Variants in FAM78B observed in about 807,000 individuals in gnomAD.
FAM78B encodes protein FAM78B.
FAM78B carries 10 observed loss-of-function variants against 20.0 expected under a neutral mutation model. The ratio of observed to expected loss-of-function variants is 0.50; its 90% CI spans 0.31 to 0.85. FAM78B has a LOEUF of 0.85. Among genes scored for constraint, FAM78B ranks in the 40% least tolerant of loss-of-function variants. The pLI, the probability that FAM78B is intolerant of heterozygous loss-of-function variation, is 0.05. For missense variants in FAM78B, 283 were observed against 345.0 expected, an observed-to-expected ratio of 0.82 and a Z score of 1.42; for synonymous variants, 135 against 132.8, an observed-to-expected ratio of 1.02 and a Z score of -0.12.
At chr1:166,142,052 A>G (rs1433926530) in intron 1 of FAM78B, among the ~76,000 whole-genome samples, 1 of 152,156 alleles carries the variant, frequency 6.6e-6, no homozygotes, top group Non-Finnish European at 1.5e-5. Context: ...ACAGCTCCTC[A>G]ATGATCAGAC....
At chr1:166,064,039 G>A (rs935401936) in intron 2 of FAM78B, among the ~76,000 whole-genome samples, 2 of 152,148 alleles carry the variant, frequency 1.3e-5, no homozygotes, top group Non-Finnish European at 2.9e-5. Flanking sequence ...GCTGGGAGAG[G>A]CACAGTTTGG....
chr1:166,165,674 C>G (rs1656342470), intron 1 of FAM78B, among the ~76,000 whole-genome samples: 1 of 152,104 alleles, frequency 6.6e-6, no homozygotes. Context: ...ACTCGCCAGG[C>G]ACTCGCCAGC....
Position 166,070,716 on chromosome 1 carries a change from A to G in FAM78B, c.311T>C (p.Ile104Thr). Reference protein sequence around the residue: ...PDLREGRVKAISDSDGVSYPW... With the variant: ...PDLREGRVKATSDSDGVSYPW... ...GTAGCTCACCCCATCTGAGTCACTG[A>G]TGGCTTTTACTCTCCCTTCCCTCAA... The change falls in exon 2 of 2, where the codon ATC (isoleucine) becomes ACC (threonine). Residue 104 changes from isoleucine to threonine, a missense_variant. Coordinates refer to ENST00000354422, the MANE Select transcript of FAM78B (RefSeq NM_001017961.5). 1 of 1,604,308 alleles carries G rather than the reference A, an allele frequency of 6.2e-7. No homozygotes were observed. The highest frequency in any genetic ancestry group is 8.5e-7 in the Non-Finnish European group (1 of 1,174,904).
intron 1 of FAM78B, among the ~76,000 whole-genome samples, chr1:166,076,948 C>T (rs12407136): frequency 6.6e-6 from 1 of 151,956 alleles, no homozygotes; most frequent in African/African-American, 2.4e-5. Flanking sequence ...TTGAGGATGA[C>T]AGACCTGTCA....
At chr1:166,134,161 C>T (rs906853241) in intron 1 of FAM78B, among the ~76,000 whole-genome samples, 12 of 152,206 alleles carry the variant, frequency 7.9e-5, no homozygotes, top group African/African-American at 2.9e-4. Flanking sequence ...AAATGCTCTA[C>T]TTTATCCTTT....
chr1:166,114,135 C>A (rs1156794503), intron 1 of FAM78B, among the ~76,000 whole-genome samples: 3 of 152,226 alleles, frequency 2.0e-5, no homozygotes, highest in African/African-American at 7.2e-5. Flanking sequence ...CTATGCTGGG[C>A]ACACCTTTGG....
chr1:166,159,296 G>C (rs897377819), intron 1 of FAM78B, among the ~76,000 whole-genome samples: 13 of 152,092 alleles, frequency 8.5e-5, no homozygotes, highest in African/African-American at 2.4e-4. Context: ...GTCTCAGCTC[G>C]GCCACTTACT....
intron 1 of FAM78B, among the ~76,000 whole-genome samples, chr1:166,133,493 T>C (rs1478356003): frequency 6.6e-6 from 1 of 151,978 alleles, no homozygotes; most frequent in African/African-American, 2.4e-5. Context: ...CTTTGCTTCA[T>C]GTGGGGATCT....
At chr1:166,090,162 C>T (rs901024353) in intron 1 of FAM78B, among the ~76,000 whole-genome samples, 1 of 152,192 alleles carries the variant, frequency 6.6e-6, no homozygotes, top group Non-Finnish European at 1.5e-5. Flanking sequence ...ATCTTCTTCC[C>T]AGTGTCTACT....
At chr1:166,125,118 T>C (rs1474235010) in intron 1 of FAM78B, among the ~76,000 whole-genome samples, 3 of 152,234 alleles carry the variant, frequency 2.0e-5, no homozygotes, top group South Asian at 2.1e-4. Context: ...AAGGCCTATG[T>C]TGGGGTATGC....
chr1:166,067,011 T>G (rs1651820649), downstream of FAM78B, among the ~76,000 whole-genome samples: 1 of 152,198 alleles, frequency 6.6e-6, no homozygotes, highest in South Asian at 2.1e-4. Flanking sequence ...AAAGGGAATC[T>G]GGAACATTCA....
At chr1:166,129,348 G>A (rs1557910694) in intron 1 of FAM78B, among the ~76,000 whole-genome samples, 1 of 152,192 alleles carries the variant, frequency 6.6e-6, no homozygotes. Context: ...AGGAACCAAA[G>A]CCCCAGGCTG....
intron 1 of FAM78B, among the ~76,000 whole-genome samples, chr1:166,105,474 T>C (rs1184371691): frequency 6.6e-6 from 1 of 151,944 alleles, no homozygotes; most frequent in Admixed American, 6.6e-5. Flanking sequence ...AGGGCTAATA[T>C]CCAGAATCTA....
intron 1 of FAM78B, chr1:166,082,707 G>A (rs952168360): frequency 6.6e-6 from 1 of 152,390 alleles, no homozygotes; most frequent in African/African-American, 2.4e-5. Flanking sequence ...CGCAATGAAT[G>A]GGGCAAGTGT....
intron 1 of FAM78B, among the ~76,000 whole-genome samples, chr1:166,112,728 G>A (rs560520407): frequency 2.0e-5 from 3 of 152,266 alleles, no homozygotes; most frequent in African/African-American, 7.2e-5. Flanking sequence ...CAAGGCTATG[G>A]TCCACCTAGG....
At chr1:166,119,793 C>T (rs930172363) in intron 1 of FAM78B, among the ~76,000 whole-genome samples, 12 of 152,214 alleles carry the variant, frequency 7.9e-5, no homozygotes, top group African/African-American at 1.2e-4. Context: ...AGTGGCCACA[C>T]GAGACTCCCT....
chr1:166,065,540 T>TA (rs1179168587), downstream of FAM78B, among the ~76,000 whole-genome samples: 2 of 152,202 alleles, frequency 1.3e-5, no homozygotes, highest in African/African-American at 4.8e-5. Context: ...AAACTCTTTA[T>TA]AAACTGTAAA....
chr1:166,135,021 T>C (rs1655018329), intron 1 of FAM78B, among the ~76,000 whole-genome samples: 1 of 152,240 alleles, frequency 6.6e-6, no homozygotes, highest in Admixed American at 6.5e-5. Context: ...TTAAAGAAGC[T>C]AATTAAATGT....
chr1:166,150,537 G>A (rs973570201), intron 1 of FAM78B, among the ~76,000 whole-genome samples: 2 of 152,158 alleles, frequency 1.3e-5, no homozygotes, highest in African/African-American at 2.4e-5. Context: ...GGTCAAAAAT[G>A]AAGAGGAAGC....
Sources: allele counts gnomAD v4.1 joint callset (sites outside exome capture counted in the v4.1 genomes callset), GRCh38; gene constraint gnomAD v4.1.1; transcripts MANE v1.5; gene names NCBI Gene and HGNC (gene_info 2026-07-23, HGNC 2026-07-21).